The following TSGA10 variants were observed in gnomAD, a reference collection of about 807,000 sequenced individuals.
The protein encoded by TSGA10 is testis-specific gene 10 protein.
In TSGA10, 43 loss-of-function variants were observed where a neutral mutation model predicts 96.6. The ratio of observed to expected loss-of-function variants is 0.44; its 90% CI spans 0.35 to 0.57. TSGA10 has a LOEUF of 0.57. Among genes scored for constraint, TSGA10 ranks in the 20% least tolerant of loss-of-function variants. TSGA10 has a pLI of 0.01. For missense variants in TSGA10, 703 were observed against 834.4 expected (o/e 0.84, Z 1.94); for synonymous variants, 229 against 269.9 (o/e 0.85, Z 1.48).
Position 99,101,107 on chromosome 2 carries a change from C to CA in TSGA10, c.611+2859dup, listed in dbSNP as rs1357719779. On this transcript the variant is annotated intron_variant, in intron 10 of 20. Coordinates refer to ENST00000393483, the MANE Select transcript of TSGA10 (RefSeq NM_025244.4). ...TGAAACCCCATCTCTACTAAAAATACAAAAAAAATCAGCCGGGCGTGGTGG... is the reference window on the plus strand; with the variant it reads ...TGAAACCCCATCTCTACTAAAAATACAAAAAAAAATCAGCCGGGCGTGGTGG... Among the ~76,000 whole-genome samples, 53 of 149,608 alleles carry CA rather than the reference C, an allele frequency of 3.5e-4. 1 individual carries two copies. The highest frequency in any genetic ancestry group is 1.8e-3 in the East Asian group (9 of 5,020).
chr2:99,122,924 C>T (rs2092653888), intron 2 of TSGA10, among the ~76,000 whole-genome samples: 1 of 152,110 alleles, frequency 6.6e-6, no homozygotes, highest in Non-Finnish European at 1.5e-5. Context: ...ATACTTTTAG[C>T]TATTCTTTTA....
intron 1 of TSGA10, among the ~76,000 whole-genome samples, chr2:99,134,880 C>T (rs2093257323): frequency 6.6e-6 from 1 of 152,216 alleles, no homozygotes; most frequent in South Asian, 2.1e-4. Context: ...TGGAGGTCCA[C>T]TCCAGACCCT....
intron 16 of TSGA10, among the ~76,000 whole-genome samples, chr2:99,057,998 G>A (rs765341623): frequency 6.6e-6 from 1 of 152,078 alleles, no homozygotes; most frequent in South Asian, 2.1e-4. Context: ...AAATGGTGGG[G>A]GGAGGGGAGA....
At chr2:99,141,046 G>C in intron 1 of TSGA10, 1 of 1,253,924 alleles carries the variant, frequency 8.0e-7, no homozygotes, top group Non-Finnish European at 1.0e-6. Flanking sequence ...TCCAGTAGCA[G>C]CACTCTCCCC....
At position 99,118,514 on chromosome 2, in the gene TSGA10, T is replaced by C. The variant is rs186480945; in HGVS notation, c.-356+37A>G. The C allele has an allele frequency of 1.6e-4, 150 of 930,658 alleles. 4 individuals carry two copies. The East Asian group carries it at 0.013, about 82-fold the overall frequency. The allele number at this position is 930,658 out of a possible 1,614,324, so 57.7% of individuals were successfully genotyped here. ...ACGTATATATATGTGTATTATTAAC[T>C]TTTTAAAAAGTCCTTTTGAAAGTAT... On this transcript the variant is annotated intron_variant, in intron 3 of 20. Coordinates refer to ENST00000393483, the MANE Select transcript of TSGA10 (RefSeq NM_025244.4).
chr2:99,144,716 A>G (rs1457295654), intron 1 of TSGA10, among the ~76,000 whole-genome samples: 1 of 148,128 alleles, frequency 6.8e-6, no homozygotes, highest in Non-Finnish European at 1.5e-5. Flanking sequence ...TTACTCCATC[A>G]TGACTAGCAG....
At chr2:99,003,587 T>C (rs2078173433) in intron 20 of TSGA10, among the ~76,000 whole-genome samples, 1 of 152,142 alleles carries the variant, frequency 6.6e-6, no homozygotes, top group African/African-American at 2.4e-5. Context: ...GAACATAAAT[T>C]ATAACAAACT....
intron 1 of TSGA10, among the ~76,000 whole-genome samples, chr2:99,132,401 T>G (rs999604818): frequency 6.6e-6 from 1 of 152,130 alleles, no homozygotes; most frequent in African/African-American, 2.4e-5. Context: ...CTAGATTTTC[T>G]AGTTTATTTG....
chr2:99,082,180 A>G (rs1026811408), intron 10 of TSGA10, among the ~76,000 whole-genome samples: 2 of 152,270 alleles, frequency 1.3e-5, no homozygotes, highest in South Asian at 4.1e-4. Flanking sequence ...TTTTGCTCAA[A>G]AAGATAACAA....
At chr2:99,007,786 TC>T (rs1366946028) in intron 20 of TSGA10, among the ~76,000 whole-genome samples, 1 of 152,126 alleles carries the variant, frequency 6.6e-6, no homozygotes, top group Non-Finnish European at 1.5e-5. Context: ...GTGCTACAGA[TC>T]AGGGCCTCCC....
At chr2:99,052,280 A>G (rs1159040738) in intron 16 of TSGA10, among the ~76,000 whole-genome samples, 1 of 152,102 alleles carries the variant, frequency 6.6e-6, no homozygotes, top group Non-Finnish European at 1.5e-5. Flanking sequence ...ATTATAAATG[A>G]AAGAAGAGAC....
At chr2:99,114,789 TA>T (rs1470850007) in intron 4 of TSGA10, among the ~76,000 whole-genome samples, 2 of 152,164 alleles carry the variant, frequency 1.3e-5, no homozygotes, top group Admixed American at 1.3e-4. Context: ...AACAACCCTT[TA>T]AAAGTGATGT....
At chr2:99,106,268 G>A (rs2091324129) in intron 7 of TSGA10, among the ~76,000 whole-genome samples, 1 of 152,040 alleles carries the variant, frequency 6.6e-6, no homozygotes, top group African/African-American at 2.4e-5. Flanking sequence ...TCTTGATTTT[G>A]ATCACTGTCT....
At chr2:99,071,413 G>T in intron 14 of TSGA10, among the ~76,000 whole-genome samples, 1 of 151,010 alleles carries the variant, frequency 6.6e-6, no homozygotes, top group Non-Finnish European at 1.5e-5. Flanking sequence ...TTTTCTTTAA[G>T]GTTTCTCAAG....
At chr2:99,053,422 T>C (rs1045884104) in intron 16 of TSGA10, among the ~76,000 whole-genome samples, 1 of 151,080 alleles carries the variant, frequency 6.6e-6, no homozygotes, top group African/African-American at 2.4e-5. Flanking sequence ...CATAATCAAG[T>C]AGCATTTATC....
intron 16 of TSGA10, among the ~76,000 whole-genome samples, chr2:99,040,401 T>A (rs1224822702): frequency 6.6e-5 from 10 of 152,106 alleles, no homozygotes; most frequent in Admixed American, 6.6e-4. Context: ...CCAGATCTGA[T>A]AAATGAATTC....
chr2:99,121,230 C>T lies in TSGA10; in HGVS notation c.-491-2544G>A, dbSNP rs976821341. On this transcript the variant is annotated intron_variant, in intron 2 of 20. Coordinates refer to ENST00000393483, the MANE Select transcript of TSGA10 (RefSeq NM_025244.4). ...ATGGTAAATGTATGTTTAGTCTTACCAAAAACTGCCAAATCATTTTCCAGA... is the reference window on the plus strand; with the variant it reads ...ATGGTAAATGTATGTTTAGTCTTACTAAAAACTGCCAAATCATTTTCCAGA... Among the ~76,000 whole-genome samples, 2 of 152,064 alleles carry T rather than the reference C, an allele frequency of 1.3e-5. 1 individual carries two copies. The highest frequency in any genetic ancestry group is 4.2e-4 in the South Asian group (2 of 4,818).
At position 99,117,580 on chromosome 2, in the gene TSGA10, C is replaced by T. The variant is rs2092345614; in HGVS notation, c.-176G>A. ...CAAGTTCCTTGTTGGCGGAATCCAC[C>T]ACAAAATTTTTCTCTTTTTCGAGTT... On this transcript the variant is annotated 5_prime_UTR_variant, in exon 4 of 21. Coordinates refer to ENST00000393483, the MANE Select transcript of TSGA10 (RefSeq NM_025244.4). 1 of 985,656 alleles carries T rather than the reference C, an allele frequency of 1.0e-6. No individual in the cohort carries two copies. Among genetic ancestry groups the T allele is most frequent in the Admixed American group, 6.2e-5 (1 of 16,256 alleles). 61.1% of individuals were successfully genotyped at this position (985,656 alleles called of 1,614,324 possible). A position where few individuals can be genotyped will look rare whatever the true frequency, so the allele number is the denominator to read the frequency against.
chr2:99,149,780 A>C (rs1198837726), intron 1 of TSGA10, among the ~76,000 whole-genome samples: 1 of 134,472 alleles, frequency 7.4e-6, no homozygotes, highest in Non-Finnish European at 1.6e-5. Flanking sequence ...CTTAATCACA[A>C]GTATCTTTTT....
Sources: gnomAD v4.1 joint callset for allele counts (sites outside exome capture counted in the v4.1 genomes callset) on GRCh38, gnomAD v4.1.1 for gene constraint, MANE v1.5 for transcripts, NCBI Gene and HGNC (gene_info 2026-07-23, HGNC 2026-07-21) for gene names.